PDZD2: variants seen among roughly 807,000 people sequenced by gnomAD.
The protein encoded by PDZD2 is PDZ domain containing 2, also known as PDZ domain-containing protein 2.
Under a neutral mutation model 220.7 loss-of-function variants are expected in PDZD2, and 90 were observed. The observed-to-expected ratio is 0.41, with a 90% CI of 0.34 to 0.49. The LOEUF (loss-of-function observed/expected upper bound fraction) is 0.49. Among genes scored for constraint, PDZD2 ranks in the 20% least tolerant of loss-of-function variants. The pLI is 0.28. For missense variants in PDZD2, 3,174 were observed against 3,608.5 expected, an observed-to-expected ratio of 0.88 and a Z score of 3.08; for synonymous variants, 1,375 against 1,450.5, an observed-to-expected ratio of 0.95 and a Z score of 1.18.
intron 1 of PDZD2, among the ~76,000 whole-genome samples, chr5:31,691,718 A>T (rs1196104141): frequency 6.6e-6 from 1 of 152,166 alleles, no homozygotes; most frequent in Non-Finnish European, 1.5e-5. Context: ...TCCCCATCAG[A>T]TTAGCTAGAT....
chr5:31,865,191 T>C (rs1271351251), intron 2 of PDZD2, among the ~76,000 whole-genome samples: 1 of 152,078 alleles, frequency 6.6e-6, no homozygotes, highest in Non-Finnish European at 1.5e-5. Context: ...CCTTTTCCAA[T>C]AGATTATGAG....
intron 2 of PDZD2, among the ~76,000 whole-genome samples, chr5:31,972,713 A>G (rs1488140082): frequency 6.6e-6 from 1 of 152,222 alleles, no homozygotes; most frequent in Non-Finnish European, 1.5e-5. Flanking sequence ...GAGTTCCTAC[A>G]TATGTGTTCT....
rs190106286 is a variant in PDZD2 at position 32,046,613 on chromosome 5, A to T, written c.1520-1926A>T. Among the ~76,000 whole-genome samples, 66 of 152,354 alleles carry T rather than the reference A, an allele frequency of 4.3e-4. No homozygotes were observed. In the East Asian group the frequency reaches 0.011, roughly 26 times the overall value. The stretch of plus-strand genomic sequence containing the variant: ...AACCATGAAGTTTTTAAAAAGACGT[A>T]CTGTACTACATTAAAATTTTGAACT... On this transcript the variant is annotated intron_variant, in intron 7 of 24. Coordinates refer to ENST00000438447, the MANE Select transcript of PDZD2 (RefSeq NM_178140.4).
At position 31,761,734 on chromosome 5, in the gene PDZD2, GC is replaced by G. The variant is rs374982247; in HGVS notation, c.-360-37153del. ...AAAGTAGCTGGGCATGGTAGTGGGTGCCTGTAATCCCAGCTACTTGAGAGGC... is the reference window on the plus strand; with the variant it reads ...AAAGTAGCTGGGCATGGTAGTGGGTGCTGTAATCCCAGCTACTTGAGAGGC... On this transcript the variant is annotated intron_variant, in intron 1 of 24. Coordinates refer to ENST00000438447, the MANE Select transcript of PDZD2 (RefSeq NM_178140.4). Among the ~76,000 whole-genome samples the G allele has an allele frequency of 2.8e-3, 424 of 151,794 alleles. 5 individuals are homozygous for G. Among genetic ancestry groups the G allele is most frequent in the East Asian group, 3.7e-3 (19 of 5,152 alleles).
At chr5:32,080,387 T>A (rs1011378628) in intron 19 of PDZD2, among the ~76,000 whole-genome samples, 1 of 148,258 alleles carries the variant, frequency 6.7e-6, no homozygotes, top group African/African-American at 2.5e-5. Flanking sequence ...GGTGAGGGGT[T>A]TCTATTTGAG....
chr5:32,006,301 G>A (rs1212865123), intron 5 of PDZD2, among the ~76,000 whole-genome samples: 1 of 150,840 alleles, frequency 6.6e-6, no homozygotes, highest in African/African-American at 2.4e-5. Flanking sequence ...ACTTTAACCT[G>A]CTTTTTCACT....
At chr5:32,104,630 G>GAGTC (rs1744564664) in intron 24 of PDZD2, among the ~76,000 whole-genome samples, 1 of 141,546 alleles carries the variant, frequency 7.1e-6, no homozygotes, top group Non-Finnish European at 1.5e-5. Flanking sequence ...TGAGGCAGGA[G>GAGTC]AGTCACTTGA....
At chr5:31,896,182 T>TA in intron 2 of PDZD2, among the ~76,000 whole-genome samples, 1 of 152,124 alleles carries the variant, frequency 6.6e-6, no homozygotes, top group South Asian at 2.1e-4. Context: ...AAAAAATAAA[T>TA]ACACTACTCT....
At chr5:31,688,231 T>A (rs1363297394) in intron 1 of PDZD2, among the ~76,000 whole-genome samples, 2 of 99,382 alleles carry the variant, frequency 2.0e-5, no homozygotes, top group Admixed American at 2.5e-4. Flanking sequence ...TGCTGTCAGA[T>A]GTCTTACAAA....
intron 19 of PDZD2, among the ~76,000 whole-genome samples, chr5:32,082,901 G>A (rs960060178): frequency 1.1e-4 from 16 of 152,214 alleles, no homozygotes; most frequent in African/African-American, 3.1e-4. Context: ...ACCAGAACGA[G>A]AGGAGGTGGT....
In PDZD2 at chr5:32,090,220, G is replaced by T. The variant is rs959182382; in HGVS notation, c.6772G>T (p.Val2258Phe). Residue 2258 changes from valine to phenylalanine, a missense_variant, in exon 20 of 25, where the codon GTC (valine) becomes TTC (phenylalanine). Around this residue, in one of 4 missense-constraint regions of PDZD2, gnomAD observed 631 missense variants for 789.9 expected, o/e 0.80. Coordinates refer to ENST00000438447, the MANE Select transcript of PDZD2 (RefSeq NM_178140.4). This position sits in a 1 kb window ranked among gnomAD's most constrained non-coding sequence, Gnocchi z 4.3. Reference sequence around the variant, plus strand: ...CCAGGTCCCTGTGACAAGCAGTGTTGTCCCCGAGGCAAAGGCATCCAGAGG... The same window carrying T: ...CCAGGTCCCTGTGACAAGCAGTGTTTTCCCCGAGGCAAAGGCATCCAGAGG... ...DSQVPVTSSV[V>F]PEAKASRGGL... 6 of 1,614,036 alleles carry T rather than the reference G, an allele frequency of 3.7e-6. No individual in the cohort carries two copies. The African/African-American group carries it at 8.0e-5, about 22-fold the overall frequency.
chr5:31,644,515 GGCTGAGCCGAGA>G (rs1745063557), intron 1 of PDZD2, among the ~76,000 whole-genome samples: 1 of 152,160 alleles, frequency 6.6e-6, no homozygotes, highest in Admixed American at 6.5e-5. Context: ...CTGATAAGGC[GGCTGAGCCGAGA>G]GATGGTTTGT....
In PDZD2 at chr5:31,743,481, T is replaced by C. The variant is rs199742580; in HGVS notation, c.-360-55408T>C. 6.6e-5 allele frequency among the ~76,000 whole-genome samples: 10 copies of C among 152,294 alleles called. No individual in the cohort carries two copies. In the East Asian group the frequency reaches 1.9e-3, roughly 29 times the overall value. ...CCTATATTCTACTGCTTGTCGTTGC[T>C]TGTATTTTCTTTTCTGGTACAGTGG... is the stretch of plus-strand genomic sequence containing the variant. On this transcript the variant is annotated intron_variant, in intron 1 of 24. Transcript: ENST00000438447.
intron 2 of PDZD2, among the ~76,000 whole-genome samples, chr5:31,892,822 C>T (rs1312639045): frequency 6.6e-6 from 1 of 152,064 alleles, no homozygotes; most frequent in African/African-American, 2.4e-5. Context: ...CCTCCTGCCT[C>T]GGCCTCCTAA....
rs9885309 is a variant in PDZD2 at position 31,758,836 on chromosome 5, G to A, written c.-360-40053G>A. ...CCCATTTCCTCCCAAAGTATGGAAA[G>A]TGTATGGCCTCTGCTTTGAAAGCAA... is the stretch of plus-strand genomic sequence containing the variant. On this transcript the variant is annotated intron_variant, in intron 1 of 24. Coordinates refer to ENST00000438447, the MANE Select transcript of PDZD2 (RefSeq NM_178140.4). 7.1e-3 allele frequency among the ~76,000 whole-genome samples: 1,082 copies of A among 152,246 alleles called. 9 individuals are homozygous for A. The highest frequency in any genetic ancestry group is 0.024 in the African/African-American group (1,007 of 41,546).
chr5:31,939,155 G>A (rs1038928826), intron 2 of PDZD2, among the ~76,000 whole-genome samples: 1 of 152,156 alleles, frequency 6.6e-6, no homozygotes, highest in Admixed American at 6.5e-5. Context: ...GATGGCGCCT[G>A]TACGCTTGAT....
At chr5:31,781,383 C>T (rs943491190) in intron 1 of PDZD2, among the ~76,000 whole-genome samples, 22 of 152,206 alleles carry the variant, frequency 1.4e-4, no homozygotes, top group African/African-American at 5.1e-4. Flanking sequence ...CACTGCACTC[C>T]AGCCTGGGCG....
At chr5:32,030,011 G>A (rs530148964) in intron 6 of PDZD2, among the ~76,000 whole-genome samples, 11 of 152,320 alleles carry the variant, frequency 7.2e-5, no homozygotes, top group African/African-American at 1.2e-4. Flanking sequence ...AAATCAACCC[G>A]GTCCTACTTC....
At chr5:31,854,963 G>C (rs1371296788) in intron 2 of PDZD2, 1 of 985,334 alleles carries the variant, frequency 1.0e-6, no homozygotes, top group Non-Finnish European at 1.2e-6. Flanking sequence ...GCAGCCTTCG[G>C]GAAGTCCTGC....
Sources: gnomAD v4.1 joint callset for allele counts (sites outside exome capture counted in the v4.1 genomes callset) on GRCh38, gnomAD v4.1.1 for gene constraint, gnomAD v4.1.1 regional missense constraint, Gnocchi (gnomAD v3.1) non-coding constraint, MANE v1.5 for transcripts, NCBI Gene and HGNC (gene_info 2026-07-23, HGNC 2026-07-21) for gene names.